Variants in NRG1 observed in about 807,000 individuals in gnomAD.
NRG1 encodes the protein pro-neuregulin-1, membrane-bound isoform.
Under a neutral mutation model 63.8 loss-of-function variants are expected in NRG1, and 18 were observed. The ratio of observed to expected loss-of-function variants is 0.28; its 90% CI spans 0.19 to 0.42. NRG1 has a LOEUF of 0.42. Ranked by LOEUF, NRG1 falls within the 10% of genes least tolerant of loss-of-function variation. The pLI, the probability that NRG1 is intolerant of heterozygous loss-of-function variation, is 1.00. For synonymous variants in NRG1, 302 were observed against 301.3 expected (o/e 1.00, Z -0.02); for missense variants, 762 against 814.7 (o/e 0.94, Z 0.79).
intron 1 of NRG1, among the ~76,000 whole-genome samples, chr8:32,506,827 CTG>C (rs1181260739): frequency 6.6e-6 from 1 of 151,932 alleles, no homozygotes; most frequent in African/African-American, 2.4e-5. Flanking sequence ...CTGCAATGAG[CTG>C]TGATTGCACC....
chr8:32,345,697 C>T (rs1247400709), intron 1 of NRG1, among the ~76,000 whole-genome samples: 1 of 152,110 alleles, frequency 6.6e-6, no homozygotes, highest in Non-Finnish European at 1.5e-5. Flanking sequence ...TGGCCAGGTG[C>T]AGTGGCTCAT....
At chr8:32,270,822 C>G (rs1851464669) in intron 1 of NRG1, among the ~76,000 whole-genome samples, 1 of 152,150 alleles carries the variant, frequency 6.6e-6, no homozygotes, top group African/African-American at 2.4e-5. Flanking sequence ...GTAACACATG[C>G]TACAAGTCTT....
chr8:32,647,229 C>T (rs2129546742), intron 5 of NRG1: 1 of 985,372 alleles, frequency 1.0e-6, no homozygotes, highest in Non-Finnish European at 1.2e-6. Context: ...ACTACTGCCT[C>T]TCCTGCCGCC....
At chr8:31,938,282 G>A (rs1040478243) in intron 1 of NRG1, among the ~76,000 whole-genome samples, 11 of 152,098 alleles carry the variant, frequency 7.2e-5, no homozygotes, top group African/African-American at 2.7e-4. Context: ...TAGCTCCACT[G>A]GGTGGCTAGA....
intron 1 of NRG1, among the ~76,000 whole-genome samples, chr8:32,066,609 A>C (rs1586853106): frequency 1.3e-5 from 2 of 152,114 alleles, no homozygotes; most frequent in African/African-American, 4.8e-5. Context: ...TATAGTTTGA[A>C]GTCAGGTAGC....
intron 1 of NRG1, among the ~76,000 whole-genome samples, chr8:32,190,238 T>A (rs1842361984): frequency 6.6e-6 from 1 of 151,804 alleles, no homozygotes; most frequent in Admixed American, 6.6e-5. Context: ...AAAAAATTGC[T>A]CTCCTCTAGA....
intron 5 of NRG1, among the ~76,000 whole-genome samples, chr8:32,686,958 T>G (rs1786359581): frequency 6.6e-6 from 1 of 152,230 alleles, no homozygotes. Context: ...AACCCAGTGT[T>G]TGAATCTGGA....
chr8:32,702,851 G>A (rs1466153465), intron 5 of NRG1, among the ~76,000 whole-genome samples: 1 of 152,144 alleles, frequency 6.6e-6, no homozygotes, highest in Non-Finnish European at 1.5e-5. Context: ...AGAAAATGAG[G>A]TGAATGAGAA....
chr8:32,622,978 T>C (rs1848603738), intron 5 of NRG1, among the ~76,000 whole-genome samples: 1 of 152,252 alleles, frequency 6.6e-6, no homozygotes, highest in Non-Finnish European at 1.5e-5. Flanking sequence ...CTGACAGTTC[T>C]TTGCCAGGAA....
chr8:31,890,617 G>C (rs74416328), intron 1 of NRG1, among the ~76,000 whole-genome samples: 18,555 of 152,104 alleles, frequency 0.12, 1,281 homozygotes, highest in Admixed American at 0.19. Context: ...ATAATGTTGA[G>C]AACAATGAAT....
intron 1 of NRG1, among the ~76,000 whole-genome samples, chr8:31,915,401 T>C (rs959698773): frequency 5.3e-5 from 8 of 152,122 alleles, no homozygotes; most frequent in Admixed American, 5.2e-4. Flanking sequence ...TTACTTTAAT[T>C]CCTTGGGGAA....
intron 5 of NRG1, among the ~76,000 whole-genome samples, chr8:32,666,429 T>C (rs1432768004): frequency 6.6e-6 from 1 of 152,156 alleles, no homozygotes; most frequent in Non-Finnish European, 1.5e-5. Flanking sequence ...TTAGATCCAT[T>C]GAATTTTGCC....
At chr8:32,702,451 G>T (rs974507420) in intron 5 of NRG1, among the ~76,000 whole-genome samples, 4 of 152,234 alleles carry the variant, frequency 2.6e-5, no homozygotes, top group African/African-American at 7.2e-5. Context: ...TTTTAAAGGA[G>T]AATGGATTAA....
intron 1 of NRG1, among the ~76,000 whole-genome samples, chr8:32,446,605 A>C (rs1342661519): frequency 6.6e-6 from 1 of 152,152 alleles, no homozygotes; most frequent in Non-Finnish European, 1.5e-5. Flanking sequence ...CAGTGAGCCA[A>C]GATTGTGCCC....
At chr8:32,123,415 G>T (rs1387345436) in intron 1 of NRG1, among the ~76,000 whole-genome samples, 1 of 151,734 alleles carries the variant, frequency 6.6e-6, no homozygotes, top group Non-Finnish European at 1.5e-5. Flanking sequence ...ATGTGACTTT[G>T]CTCCTCATTT....
intron 1 of NRG1, among the ~76,000 whole-genome samples, chr8:31,681,913 A>G (rs1808378787): frequency 2.0e-5 from 3 of 152,054 alleles, no homozygotes; most frequent in Admixed American, 2.0e-4. Flanking sequence ...CCAAAACACA[A>G]TTGTGTATTT....
intron 1 of NRG1, among the ~76,000 whole-genome samples, chr8:32,092,567 T>C (rs550911848): frequency 8.6e-5 from 13 of 152,008 alleles, no homozygotes; most frequent in Admixed American, 2.6e-4. Flanking sequence ...TTGGTTGCCA[T>C]GGCAGAGCTG....
chr8:32,473,730 C>T (rs969273606), intron 1 of NRG1, among the ~76,000 whole-genome samples: 1 of 152,166 alleles, frequency 6.6e-6, no homozygotes, highest in Non-Finnish European at 1.5e-5. Context: ...GTCATCCAGG[C>T]TGGAGTGCAG....
chr8:32,242,548 AAT>A (rs1848210455), intron 1 of NRG1, among the ~76,000 whole-genome samples: 1 of 152,174 alleles, frequency 6.6e-6, no homozygotes. Context: ...TAAGTTCTCA[AAT>A]AGTGGCGGTG....
Sources: gnomAD v4.1 joint callset for allele counts (sites outside exome capture counted in the v4.1 genomes callset) on GRCh38, gnomAD v4.1.1 for gene constraint, MANE v1.5 for transcripts, NCBI Gene and HGNC (gene_info 2026-07-23, HGNC 2026-07-21) for gene names.